The following TMEM223 variants were observed in gnomAD, a reference collection of about 807,000 sequenced individuals.
TMEM223 encodes the protein transmembrane protein 223.
In TMEM223, 14 loss-of-function variants were observed where a neutral mutation model predicts 14.1. The observed-to-expected ratio is 0.99, with a 90% confidence interval of 0.66 to 1.55. The LOEUF is 1.55. Ranked by LOEUF, TMEM223 falls within the 40% of genes most tolerant of loss-of-function variation. The probability of loss-of-function intolerance (pLI) is 0.00; values close to 1 mark genes in which losing one functional copy is unlikely to be tolerated. For missense variants in TMEM223, 346 were observed against 269.9 expected, an observed-to-expected ratio of 1.28 and a Z score of -1.97; for synonymous variants, 145 against 120.5, an observed-to-expected ratio of 1.20 and a Z score of -1.33.
intron 2 of TMEM223, among the ~76,000 whole-genome samples, chr11:62,773,764 G>C (rs527826833): frequency 2.0e-5 from 3 of 152,110 alleles, no homozygotes; most frequent in Non-Finnish European, 4.4e-5. Context: ...TCTTACGACT[G>C]GTTTGGAGGC....
At chr11:62,771,416 C>T (rs897879060), downstream of TMEM223, 9 of 155,922 alleles carry the variant, frequency 5.8e-5, no homozygotes, top group East Asian at 1.3e-3. Flanking sequence ...AGTGTGAGCT[C>T]GTGAGTGGGC....
chr11:62,791,045 CTGAG>C, intron 1 of TMEM223, 130 bp from the exon 2 acceptor site: 2 of 974,440 alleles, frequency 2.1e-6, no homozygotes, highest in Non-Finnish European at 2.9e-6. Context: ...TTTTTTGAGA[CTGAG>C]TCTCACTCTG....
downstream of TMEM223, among the ~76,000 whole-genome samples, chr11:62,785,538 C>CTT (rs1205888751): frequency 7.3e-6 from 1 of 136,454 alleles, no homozygotes; most frequent in Non-Finnish European, 1.6e-5. Context: ...ATAGTTAATT[C>CTT]TTTTTTTTTT....
At chr11:62,788,072 A>G, downstream of TMEM223, 2 of 442,562 alleles carry the variant, frequency 4.5e-6, no homozygotes, top group South Asian at 1.6e-5. Context: ...ATGCCTATAA[A>G]GTAGGCACTA....
rs150723132 is a variant in TMEM223, at chr11:62,776,392, T to A, written c.315-1727A>T. 4.5e-3 allele frequency: 7,239 copies of A among 1,613,496 alleles called. 36 individuals carry two copies. The highest frequency in any genetic ancestry group is 4.7e-3 in the Non-Finnish European group (5,531 of 1,179,562). On this transcript the variant is annotated intron_variant, in intron 1 of 2. Coordinates refer to the TMEM223 transcript ENST00000528367. The stretch of plus-strand genomic sequence containing the variant: ...TGTTCCCTCCCTCCCAGAATAGCTC[T>A]CAGTTCATGAAGCACACCAAACGCC...
chr11:62,781,322 A>G (rs2084228029), intron 1 of TMEM223, among the ~76,000 whole-genome samples: 2 of 152,030 alleles, frequency 1.3e-5, no homozygotes, highest in South Asian at 4.1e-4. Context: ...TTACTCTCAT[A>G]AAAACCTAAG....
intron 1 of TMEM223, among the ~76,000 whole-genome samples, chr11:62,775,078 AAAG>A (rs2084176387): frequency 1.3e-5 from 2 of 151,576 alleles, no homozygotes; most frequent in Non-Finnish European, 2.9e-5. Flanking sequence ...AAAAAAAAAA[AAAG>A]AAAAGACTGG....
downstream of TMEM223, chr11:62,787,367 C>A: frequency 2.0e-6 from 3 of 1,538,172 alleles, no homozygotes; most frequent in Non-Finnish European, 2.6e-6. Flanking sequence ...TCGTGGGTCG[C>A]GCCGGATAAG....
downstream of TMEM223, among the ~76,000 whole-genome samples, chr11:62,784,943 C>CA (rs1430698426): frequency 6.6e-6 from 1 of 152,174 alleles, no homozygotes; most frequent in Non-Finnish European, 1.5e-5. Flanking sequence ...ACTGGCCTTA[C>CA]AGAATGATGT....
In TMEM223 at chr11:62,790,430, C is replaced by A. The variant is rs969319951; in HGVS notation, c.*193G>T. 1.7e-5 allele frequency: 10 copies of A among 587,054 alleles called. No homozygotes were observed. The Admixed American group carries it at 1.7e-4, about 10-fold the overall frequency. 36.4% of individuals were successfully genotyped at this position (587,054 alleles called of 1,614,324 possible). ...GGTTGTTACTCCATTCTAAGATTGGCGTTTTTTTTTGTTTTTTTTTTTGTA... is the reference window on the plus strand; with the variant it reads ...GGTTGTTACTCCATTCTAAGATTGGAGTTTTTTTTTGTTTTTTTTTTTGTA... On this transcript the variant is annotated 3_prime_UTR_variant, in exon 2 of 2. Coordinates refer to ENST00000307366, the MANE Select transcript of TMEM223 (RefSeq NM_001080501.3).
At chr11:62,789,588 T>C (rs1383635487), downstream of TMEM223, 1 of 1,549,818 alleles carries the variant, frequency 6.5e-7, no homozygotes, top group East Asian at 2.2e-5. Context: ...CAACTGTCTC[T>C]TTGACCTCAC....
chr11:62,790,445 T>G lies in TMEM223; in HGVS notation c.*178A>C. 1.6e-6 allele frequency: 1 copy of G among 618,086 alleles called. No individual in the cohort carries two copies. The highest frequency in any genetic ancestry group is 2.7e-6 in the Non-Finnish European group (1 of 371,812). 38.3% of individuals were successfully genotyped at this position (618,086 alleles called of 1,614,324 possible). On this transcript the variant is annotated 3_prime_UTR_variant, in exon 2 of 2. Coordinates refer to ENST00000307366, the MANE Select transcript of TMEM223 (RefSeq NM_001080501.3). ...CTAAGATTGGCGTTTTTTTTTGTTTTTTTTTTTGTAAATAGAGACAAGGTC... is the reference window on the plus strand; with the variant it reads ...CTAAGATTGGCGTTTTTTTTTGTTTGTTTTTTTGTAAATAGAGACAAGGTC...
At chr11:62,787,550 G>A, downstream of TMEM223, 1 of 1,527,124 alleles carries the variant, frequency 6.5e-7, no homozygotes, top group African/African-American at 1.4e-5. Context: ...GGCGGGGTCA[G>A]GTAGGCGGGG....
chr11:62,781,981 G>A, intron 1 of TMEM223: 1 of 1,613,688 alleles, frequency 6.2e-7, no homozygotes, highest in East Asian at 2.2e-5. Flanking sequence ...AAGTGACCAG[G>A]CTGGGACAGG....
At chr11:62,788,621 A>G (rs959917263), downstream of TMEM223, among the ~76,000 whole-genome samples, 1 of 149,812 alleles carries the variant, frequency 6.7e-6, no homozygotes, top group Non-Finnish European at 1.5e-5. Flanking sequence ...GGAGAATGGC[A>G]TGAACCCAGA....
chr11:62,789,859 T>C, downstream of TMEM223: 1 of 1,605,450 alleles, frequency 6.2e-7, no homozygotes, highest in Non-Finnish European at 8.5e-7. Flanking sequence ...GTCCCACTCC[T>C]GACGATCCTG....
Position 62,791,704 on chromosome 11 carries a change from A to AC in TMEM223, c.290dup (p.Leu98SerfsTer65). The stretch of plus-strand genomic sequence containing the variant: ...CGATGGCGCCGCAGCCGACGGCCAG[A>AC]CCGTAGCGCCAGAGCGCGGAGCGCA... On this transcript the variant is annotated frameshift_variant, in exon 1 of 2. Transcript: ENST00000307366. LOFTEE classifies it high-confidence loss of function. 6.5e-7 allele frequency: 1 copy of AC among 1,547,196 alleles called. No homozygotes were observed. Among genetic ancestry groups the AC allele is most frequent in the Non-Finnish European group, 8.7e-7 (1 of 1,145,672 alleles).
At chr11:62,779,975 TA>T (rs1194343550) in intron 1 of TMEM223, among the ~76,000 whole-genome samples, 23,981 of 81,362 alleles carry the variant, frequency 0.29, 3,954 homozygotes, top group Non-Finnish European at 0.4. Flanking sequence ...TATATATATA[TA>T]TTTTTTTTTT....
At chr11:62,778,013 C>CT in intron 1 of TMEM223, 1 of 1,614,188 alleles carries the variant, frequency 6.2e-7, no homozygotes, top group Non-Finnish European at 8.5e-7. Context: ...AGGCACTGCC[C>CT]ATGCGCCCCG....
Sources: gnomAD v4.1 joint callset for allele counts (sites outside exome capture counted in the v4.1 genomes callset) on GRCh38, gnomAD v4.1.1 for gene constraint, MANE v1.5 for transcripts, NCBI Gene and HGNC (gene_info 2026-07-23, HGNC 2026-07-21) for gene names.